SLC44A5: variants seen among roughly 807,000 people sequenced by gnomAD.
SLC44A5 encodes the protein choline transporter-like protein 5.
Under a neutral mutation model 101.8 loss-of-function variants are expected in SLC44A5, and 57 were observed. The ratio of observed to expected loss-of-function variants is 0.56; its 90% CI spans 0.45 to 0.70. The LOEUF (loss-of-function observed/expected upper bound fraction) is 0.70. Among genes scored for constraint, SLC44A5 ranks in the 30% least tolerant of loss-of-function variants. The pLI, the probability that SLC44A5 is intolerant of heterozygous loss-of-function variation, is 0.00. For synonymous variants in SLC44A5, 281 were observed against 290.9 expected, an observed-to-expected ratio of 0.97 and a Z score of 0.35; for missense variants, 737 against 853.1, an observed-to-expected ratio of 0.86 and a Z score of 1.70.
At chr1:75,457,081 G>A (rs17096930) in intron 2 of SLC44A5, among the ~76,000 whole-genome samples, 5,481 of 152,204 alleles carry the variant, frequency 0.036, 135 homozygotes, top group Non-Finnish European at 0.053. Flanking sequence ...CCTCTTGCCC[G>A]TGACTACTTT....
intron 3 of SLC44A5, among the ~76,000 whole-genome samples, chr1:75,385,111 A>C (rs1279211352): frequency 1.3e-5 from 2 of 152,052 alleles, no homozygotes; most frequent in Admixed American, 6.6e-5. Context: ...AGCAGGAAAG[A>C]TCCAAAATTG....
chr1:75,453,961 A>G (rs1354551470), intron 2 of SLC44A5, among the ~76,000 whole-genome samples: 1 of 152,128 alleles, frequency 6.6e-6, no homozygotes, highest in Non-Finnish European at 1.5e-5. Flanking sequence ...GCCAAATTCT[A>G]TCAGACATAC....
At chr1:75,633,934 T>C in the SLC44A5 span, among the ~76,000 whole-genome samples, 1 of 142,748 alleles carries the variant, frequency 7.0e-6, no homozygotes, top group African/African-American at 2.5e-5. Flanking sequence ...GCATGAAGCA[T>C]TGTTGAATTT....
chr1:75,683,183 T>G, the SLC44A5 span, among the ~76,000 whole-genome samples: 1 of 151,206 alleles, frequency 6.6e-6, no homozygotes, highest in African/African-American at 2.4e-5. Context: ...TCAACCATTG[T>G]GGAAGTCAGT....
At chr1:75,642,142 G>A in the SLC44A5 span, 8 of 838,096 alleles carry the variant, frequency 9.5e-6, no homozygotes, top group Non-Finnish European at 1.5e-5. Flanking sequence ...AAAACTGCCT[G>A]TAAATAAATA....
chr1:75,437,377 AGT>A lies in SLC44A5; in HGVS notation c.14-40758_14-40757del, dbSNP rs375720448. ...ATTATGGGACTATCACTGTATATGC[AGT>A]CTTTCATTAACTGAAATATCATTAT... On this transcript the variant is annotated intron_variant, in intron 2 of 23. Transcript: ENST00000370859. Among the ~76,000 whole-genome samples the A allele has an allele frequency of 1.6e-4, 25 of 152,272 alleles. No individual in the cohort carries two copies. The East Asian group carries it at 4.6e-3, about 28-fold the overall frequency.
chr1:75,349,254 G>A (rs912638276), intron 3 of SLC44A5, among the ~76,000 whole-genome samples: 7 of 152,156 alleles, frequency 4.6e-5, no homozygotes, highest in African/African-American at 1.7e-4. Flanking sequence ...CAGGAGGATT[G>A]CTTGAGCCCA....
Position 75,476,657 on chromosome 1 carries a change from G to T in SLC44A5, c.13+64778C>A, listed in dbSNP as rs1445332914. 2.6e-5 allele frequency among the ~76,000 whole-genome samples: 4 copies of T among 152,346 alleles called. No individual in the cohort carries two copies. In the South Asian group the frequency reaches 8.3e-4, roughly 32 times the overall value. ...CGGAGTCTCGCTGATTGCTAGCACA[G>T]CAGTCTGAGATCAAACTGCAAGGCG... On this transcript the variant is annotated intron_variant, in intron 2 of 23. Transcript: ENST00000370859.
In SLC44A5 at chr1:75,206,641, T is replaced by C. The variant is rs756119033; in HGVS notation, c.2048-2808A>G. The C allele has an allele frequency of 2.7e-5, 44 of 1,612,718 alleles. No homozygotes were observed. Among genetic ancestry groups the C allele is most frequent in the Admixed American group, 2.2e-4 (13 of 59,900 alleles). ...CTGCTTCTGGGGAACTAGTTGCTTC[T>C]TGATCAGAATTCCATGCAGGTTAGG... On this transcript the variant is annotated intron_variant, in intron 23 of 23. Coordinates refer to ENST00000370859, the MANE Select transcript of SLC44A5 (RefSeq NM_001130058.2).
intron 2 of SLC44A5, among the ~76,000 whole-genome samples, chr1:75,457,382 A>T (rs1159069104): frequency 6.6e-6 from 1 of 152,146 alleles, no homozygotes; most frequent in Non-Finnish European, 1.5e-5. Flanking sequence ...CTATCCTAAC[A>T]TCATGGGAAA....
chr1:75,447,887 T>C (rs1665679807), intron 2 of SLC44A5, among the ~76,000 whole-genome samples: 2 of 152,140 alleles, frequency 1.3e-5, no homozygotes, highest in Non-Finnish European at 2.9e-5. Flanking sequence ...AAGCAAATGA[T>C]AGCACAGTTA....
chr1:75,383,625 A>T (rs927181084), intron 3 of SLC44A5, among the ~76,000 whole-genome samples: 1 of 152,216 alleles, frequency 6.6e-6, no homozygotes, highest in Non-Finnish European at 1.5e-5. Flanking sequence ...AAGTTGGAAA[A>T]TACTCTGCAG....
At chr1:75,645,912 G>T in the SLC44A5 span, among the ~76,000 whole-genome samples, 1 of 134,972 alleles carries the variant, frequency 7.4e-6, no homozygotes, top group Non-Finnish European at 1.7e-5. Flanking sequence ...TTCTTGTTTT[G>T]GTCAGGTTTC....
intron 3 of SLC44A5, among the ~76,000 whole-genome samples, chr1:75,379,758 A>G (rs1191245088): frequency 2.7e-5 from 2 of 73,798 alleles, no homozygotes; most frequent in Non-Finnish European, 4.5e-5. Flanking sequence ...GGAGCTATGC[A>G]TAAAGCTATG....
chr1:75,582,133 C>T (rs917331437), intron 1 of SLC44A5: 9 of 746,130 alleles, frequency 1.2e-5, no homozygotes, highest in African/African-American at 1.2e-4. Flanking sequence ...CACAACTGGT[C>T]CCGAATATGG....
chr1:75,204,078 C>T (rs891545684), intron 23 of SLC44A5, among the ~76,000 whole-genome samples: 1 of 152,066 alleles, frequency 6.6e-6, no homozygotes, highest in Non-Finnish European at 1.5e-5. Flanking sequence ...TCAGATTCTG[C>T]CAATATTGCG....
the SLC44A5 span, among the ~76,000 whole-genome samples, chr1:75,636,955 A>G: frequency 2.0e-5 from 3 of 152,076 alleles, no homozygotes; most frequent in South Asian, 6.2e-4. Flanking sequence ...GGGCACAATT[A>G]GTAGATTTAT....
the SLC44A5 span, among the ~76,000 whole-genome samples, chr1:75,696,230 A>G: frequency 6.6e-6 from 1 of 152,230 alleles, no homozygotes; most frequent in Non-Finnish European, 1.5e-5. Context: ...GATATGGTGC[A>G]CTTGTCTTAA....
the SLC44A5 span, chr1:75,723,610 G>A: frequency 6.6e-6 from 1 of 152,198 alleles, no homozygotes; most frequent in East Asian, 1.9e-4. Context: ...TGGAACAAAG[G>A]AGACATGAAT....
Sources: allele counts gnomAD v4.1 joint callset (sites outside exome capture counted in the v4.1 genomes callset), GRCh38; gene constraint gnomAD v4.1.1; transcripts MANE v1.5; gene names NCBI Gene and HGNC (gene_info 2026-07-23, HGNC 2026-07-21).